KDM4B: variants seen among roughly 807,000 people sequenced by gnomAD.
The protein encoded by KDM4B is lysine-specific demethylase 4B.
In KDM4B, 32 loss-of-function variants were observed where a neutral mutation model predicts 125.2. That is an observed-to-expected ratio of 0.26 (90% CI 0.19 to 0.34). The LOEUF (loss-of-function observed/expected upper bound fraction) is 0.34, where lower values mean the gene tolerates loss of function less well. Among genes scored for constraint, KDM4B ranks in the 10% least tolerant of loss-of-function variants. The pLI is 1.00. For missense variants in KDM4B, 1,190 were observed against 1,577.7 expected (o/e 0.75, Z 4.16); for synonymous variants, 721 against 677.9 (o/e 1.06, Z -0.99).
At chr19:5,099,113 CTGGGTAGCAG>C (rs2038883493) in intron 9 of KDM4B, among the ~76,000 whole-genome samples, 2 of 152,216 alleles carry the variant, frequency 1.3e-5, no homozygotes, top group Admixed American at 1.3e-4. Context: ...TGGGCACACA[CTGGGTAGCAG>C]TGGGCAGTGG....
At chr19:5,125,454 C>T (rs1262994860) in intron 11 of KDM4B, among the ~76,000 whole-genome samples, 3 of 152,328 alleles carry the variant, frequency 2.0e-5, no homozygotes, top group East Asian at 1.9e-4. Context: ...AAGCCTACAC[C>T]GCGTGGGAGG....
At chr19:5,060,433 C>CAAAAAAAAA (rs901472663) in intron 6 of KDM4B, among the ~76,000 whole-genome samples, 598 of 32,956 alleles carry the variant, frequency 0.018, 88 homozygotes, top group East Asian at 0.17. Flanking sequence ...ACTCTGTCTC[C>CAAAAAAAAA]AAAAAAAAAA....
Position 5,131,167 on chromosome 19 carries a change from G to T in KDM4B, c.1407G>T (p.Pro469=). ...TGCTGCCCCCACAGCTGCCGCCCCC[G>T]CCTGCTCACTTCCCCTCAGAGGAGG... ...FGLLPPQLPP[P]PAHFPSEEAL... is the part of the protein sequence containing the mutation. The change falls in exon 12 of 23, where the codon CCG becomes CCT. Residue 469 remains proline (P), a synonymous_variant. Coordinates refer to ENST00000159111, the MANE Select transcript of KDM4B (RefSeq NM_015015.3). 2.5e-6 allele frequency: 4 copies of T among 1,587,512 alleles called. No homozygotes were observed. The highest frequency in any genetic ancestry group is 3.4e-6 in the Non-Finnish European group (4 of 1,166,188).
Position 5,033,152 on chromosome 19 carries a change from G to A in KDM4B, c.141+121G>A, listed in dbSNP as rs2036512039. The A allele has an allele frequency of 5.2e-6, 6 of 1,161,302 alleles. No homozygotes were observed. The Admixed American group carries it at 6.8e-5, about 13-fold the overall frequency. The allele number at this position is 1,161,302 out of a possible 1,614,324, so 71.9% of individuals were successfully genotyped here. ...GGCCTGTGCACGTGGAATGTGTTTC[G>A]GGGCCACTCCCAGCTCGTTTACCAG... is the stretch of plus-strand genomic sequence containing the variant. On this transcript the variant is annotated intron_variant, in intron 3 of 22. Transcript: ENST00000159111.
In KDM4B at chr19:5,114,389, G is replaced by A; in HGVS notation, c.1115+3571G>A. 1 of 513,650 alleles carries A rather than the reference G, an allele frequency of 1.9e-6. No individual in the cohort carries two copies. Among genetic ancestry groups the A allele is most frequent in the Non-Finnish European group, 3.6e-6 (1 of 281,430 alleles). The allele number at this position is 513,650 out of a possible 1,614,324, so 31.8% of individuals were successfully genotyped here. A position where few individuals can be genotyped will look rare whatever the true frequency, so the allele number is the denominator to read the frequency against. On this transcript the variant is annotated intron_variant, in intron 10 of 22. Transcript: ENST00000159111. This position sits in a 1 kb window ranked among gnomAD's most constrained non-coding sequence, Gnocchi z 5.8. ...CTTGGCCTGTCGCCCCTGCGCCAGT[G>A]CAGGACACCGCCACGCCTCTGGCCC...
intron 2 of KDM4B, among the ~76,000 whole-genome samples, chr19:5,026,144 C>T (rs916490998): frequency 1.4e-5 from 2 of 142,218 alleles, no homozygotes; most frequent in Non-Finnish European, 3.1e-5. Flanking sequence ...CGTGGTGGCT[C>T]ACACCTATAA....
intron 11 of KDM4B, among the ~76,000 whole-genome samples, chr19:5,130,855 G>A (rs553272937): frequency 1.2e-4 from 19 of 152,374 alleles, no homozygotes; most frequent in Admixed American, 1.2e-3. Context: ...CTGCGCCTGC[G>A]TTGTGGGGAG....
At chr19:5,036,506 G>A (rs1196510333) in intron 3 of KDM4B, among the ~76,000 whole-genome samples, 1 of 152,218 alleles carries the variant, frequency 6.6e-6, no homozygotes, top group East Asian at 1.9e-4. Flanking sequence ...TGGGAGGGGT[G>A]GGAACTTCCA....
chr19:5,050,174 A>G (rs899495495), intron 6 of KDM4B, among the ~76,000 whole-genome samples: 2 of 152,244 alleles, frequency 1.3e-5, no homozygotes, highest in Non-Finnish European at 2.9e-5. Context: ...CAATGTACTC[A>G]GGTTTACAGC....
At chr19:4,973,824 TAA>T (rs66494608) in intron 1 of KDM4B, among the ~76,000 whole-genome samples, 1,632 of 132,314 alleles carry the variant, frequency 0.012, 34 homozygotes, top group African/African-American at 0.041. Context: ...CAAAGCATAT[TAA>T]AAAAAAAAAA....
rs951594380 is a variant in KDM4B at position 5,035,878 on chromosome 19, T to TGCGCGC, written c.141+2848_141+2849insCGCGCG. Among the ~76,000 whole-genome samples, 1 of 96,914 alleles carries TGCGCGC rather than the reference T, an allele frequency of 1.0e-5. No homozygotes were observed. The highest frequency in any genetic ancestry group is 3.2e-5 in the African/African-American group (1 of 31,718). 63.6% of individuals were successfully genotyped at this position (96,914 alleles called of 152,430 possible). A position where few individuals can be genotyped will look rare whatever the true frequency, so the allele number is the denominator to read the frequency against. On this transcript the variant is annotated intron_variant, in intron 3 of 22. Coordinates refer to ENST00000159111, the MANE Select transcript of KDM4B (RefSeq NM_015015.3). This position sits in a 1 kb window ranked among gnomAD's most constrained non-coding sequence, Gnocchi z 5.3. ...GCACGTGTCTCTGTGTGTGTGTGTG[T>TGCGCGC]GTGCGCGCGCGCGCGCGCCTGCGCG...
chr19:5,038,082 G>A (rs987092188), intron 3 of KDM4B, among the ~76,000 whole-genome samples: 4 of 152,244 alleles, frequency 2.6e-5, no homozygotes, highest in Non-Finnish European at 4.4e-5. Flanking sequence ...GGCCCGGGGC[G>A]CGGAGGGGCA....
At position 5,068,594 on chromosome 19, in the gene KDM4B, G is replaced by T. The variant is rs530516856; in HGVS notation, c.627-2416G>T. On this transcript the variant is annotated intron_variant, in intron 6 of 22. Coordinates refer to ENST00000159111, the MANE Select transcript of KDM4B (RefSeq NM_015015.3). ...TCCGCCTGTGTCCTTGGGGGTGGCC[G>T]GGAGGCAGGTCTGCCAGCATCAGGT... Among the ~76,000 whole-genome samples the T allele has an allele frequency of 2.6e-4, 40 of 152,338 alleles. 1 individual carries two copies. The South Asian group carries it at 8.1e-3, about 31-fold the overall frequency.
chr19:5,063,163 G>C (rs1433182903), intron 6 of KDM4B, among the ~76,000 whole-genome samples: 1 of 152,034 alleles, frequency 6.6e-6, no homozygotes, highest in African/African-American at 2.4e-5. Flanking sequence ...TGTACCAAAT[G>C]CTTTGGAATT....
At chr19:5,128,001 C>T (rs770898871) in intron 11 of KDM4B, among the ~76,000 whole-genome samples, 12 of 152,164 alleles carry the variant, frequency 7.9e-5, no homozygotes, top group Non-Finnish European at 1.8e-4. Flanking sequence ...ACAGCCCTGG[C>T]TGGAGTCCCC....
At position 5,035,880 on chromosome 19, in the gene KDM4B, T is replaced by TGTGTGTGC. The variant is rs58219404; in HGVS notation, c.141+2850_141+2851insTGTGTGCG. On this transcript the variant is annotated intron_variant, in intron 3 of 22. Transcript: ENST00000159111. This position sits in a 1 kb window ranked among gnomAD's most constrained non-coding sequence, Gnocchi z 5.3. ...ACGTGTCTCTGTGTGTGTGTGTGTG[T>TGTGTGTGC]GCGCGCGCGCGCGCGCCTGCGCGCA... is the stretch of plus-strand genomic sequence containing the variant. Among the ~76,000 whole-genome samples the TGTGTGTGC allele has an allele frequency of 0.053, 7,201 of 136,330 alleles. 444 individuals are homozygous for TGTGTGTGC. Among genetic ancestry groups the TGTGTGTGC allele is most frequent in the African/African-American group, 0.14 (5,444 of 37,778 alleles). 89.4% of individuals were successfully genotyped at this position (136,330 alleles called of 152,430 possible).
Position 5,081,834 on chromosome 19 carries a change from CAGA to C in KDM4B, c.781-530_781-528del, listed in dbSNP as rs2038304639. 1.3e-5 allele frequency among the ~76,000 whole-genome samples: 2 copies of C among 152,274 alleles called. No individual in the cohort carries two copies. The highest frequency in any genetic ancestry group is 4.8e-5 in the African/African-American group (2 of 41,544). On this transcript the variant is annotated intron_variant, in intron 8 of 22. Transcript: ENST00000159111. The surrounding 1 kb of genome is among the most constrained non-coding windows in gnomAD (Gnocchi z 4.2). ...TGGTGGTTCCTTTCTCATGCGAGGG[CAGA>C]AGGTGTCCTGAGCGCGTGCAGTGTC...
intron 8 of KDM4B, chr19:5,080,742 C>T (rs531547774): frequency 1.3e-5 from 2 of 152,360 alleles, no homozygotes; most frequent in South Asian, 2.1e-4. Flanking sequence ...AAGATTGGTA[C>T]ATAAGTGTTC....
chr19:5,103,962 C>G (rs2038986807), intron 9 of KDM4B, among the ~76,000 whole-genome samples: 1 of 152,236 alleles, frequency 6.6e-6, no homozygotes, highest in South Asian at 2.1e-4. Flanking sequence ...AGCTTCCGAG[C>G]TCCTGAGGCT....
Sources: allele counts gnomAD v4.1 joint callset (sites outside exome capture counted in the v4.1 genomes callset), GRCh38; gene constraint gnomAD v4.1.1; non-coding constraint Gnocchi (gnomAD v3.1); transcripts MANE v1.5; gene names NCBI Gene and HGNC (gene_info 2026-07-23, HGNC 2026-07-21).